WWOX: variants seen among roughly 807,000 people sequenced by gnomAD.
WWOX encodes the protein WW domain containing oxidoreductase.
Under a neutral mutation model 46.2 loss-of-function variants are expected in WWOX, and 69 were observed. The observed-to-expected ratio is 1.49, with a 90% CI of 1.23 to 1.82. The LOEUF (loss-of-function observed/expected upper bound fraction) is 1.82, where lower values mean the gene tolerates loss of function less well. WWOX is among the 40% of genes most tolerant of loss of function. WWOX has a pLI of 0.00. For missense variants in WWOX, 919 were observed against 542.6 expected (o/e 1.69, Z -6.89); for synonymous variants, 359 against 202.6 (o/e 1.77, Z -6.56).
At chr16:79,090,255 C>G (rs1401053079) in intron 8 of WWOX, among the ~76,000 whole-genome samples, 1 of 149,208 alleles carries the variant, frequency 6.7e-6, no homozygotes, top group Non-Finnish European at 1.5e-5. Context: ...TCGTGGGGTG[C>G]CATCCTGACA....
intron 8 of WWOX, among the ~76,000 whole-genome samples, chr16:78,923,794 GTT>G (rs56852814): frequency 0.38 from 39,505 of 102,698 alleles, 7,239 homozygotes; most frequent in Admixed American, 0.55. Flanking sequence ...TTTTTAGTTA[GTT>G]TTTTTTTTTT....
chr16:78,488,747 G>A (rs571121704), intron 8 of WWOX, among the ~76,000 whole-genome samples: 173 of 152,282 alleles, frequency 1.1e-3, no homozygotes, highest in Non-Finnish European at 2.9e-4. Context: ...TGACGCTGGG[G>A]CATCTGACTT....
chr16:78,796,965 A>G (rs55853618), intron 8 of WWOX, among the ~76,000 whole-genome samples: 1 of 151,868 alleles, frequency 6.6e-6, no homozygotes, highest in Admixed American at 6.6e-5. Flanking sequence ...AGCTGGGATT[A>G]TAGGCATGAG....
At chr16:78,232,305 C>T (rs1250339703) in intron 5 of WWOX, among the ~76,000 whole-genome samples, 3 of 152,158 alleles carry the variant, frequency 2.0e-5, no homozygotes, top group Non-Finnish European at 4.4e-5. Context: ...GGATGGAAGT[C>T]TAAAGAGAGT....
At chr16:78,811,095 C>G (rs904137578) in intron 8 of WWOX, among the ~76,000 whole-genome samples, 2 of 152,140 alleles carry the variant, frequency 1.3e-5, no homozygotes, top group African/African-American at 4.8e-5. Context: ...CTCTTCTCGT[C>G]TGGATTTTAG....
chr16:79,160,799 A>T (rs2050470995), intron 8 of WWOX, among the ~76,000 whole-genome samples: 1 of 152,206 alleles, frequency 6.6e-6, no homozygotes. Flanking sequence ...GTGTGTACAT[A>T]TATGTATATG....
At position 78,254,169 on chromosome 16, in the gene WWOX, C is replaced by T. The variant is rs997272459; in HGVS notation, c.516+89880C>T. Among the ~76,000 whole-genome samples, 26 of 152,160 alleles carry T rather than the reference C, an allele frequency of 1.7e-4. No individual in the cohort carries two copies. The East Asian group carries it at 5.0e-3, about 29-fold the overall frequency. ...CACTGCAGTCTTAACCTCCCAGGCT[C>T]AAGCGATCCTCCTGCCTGGTAGGTG... is the stretch of plus-strand genomic sequence containing the variant. On this transcript the variant is annotated intron_variant, in intron 5 of 8. Coordinates refer to ENST00000566780, the MANE Select transcript of WWOX (RefSeq NM_016373.4).
chr16:78,108,708 C>G (rs995901225), intron 2 of WWOX, among the ~76,000 whole-genome samples: 12 of 152,164 alleles, frequency 7.9e-5, no homozygotes, highest in Non-Finnish European at 1.6e-4. Context: ...ACCAAAATGG[C>G]CAGATGTGGT....
chr16:78,530,788 G>A (rs1210432324), intron 8 of WWOX, among the ~76,000 whole-genome samples: 3 of 152,280 alleles, frequency 2.0e-5, no homozygotes, highest in South Asian at 2.1e-4. Flanking sequence ...ATTTAATATG[G>A]TGAGATTGGC....
intron 8 of WWOX, among the ~76,000 whole-genome samples, chr16:78,591,057 GT>G (rs2151602373): frequency 6.6e-6 from 1 of 152,330 alleles, no homozygotes; most frequent in East Asian, 1.9e-4. Flanking sequence ...CTAGTCTGAA[GT>G]ACAGAAGTCA....
intron 8 of WWOX, among the ~76,000 whole-genome samples, chr16:78,702,079 T>G (rs1441245344): frequency 1.7e-5 from 2 of 116,146 alleles, no homozygotes; most frequent in Non-Finnish European, 3.4e-5. Flanking sequence ...TATATAAAGT[T>G]TTATATTTAT....
intron 8 of WWOX, among the ~76,000 whole-genome samples, chr16:78,999,700 T>A (rs978540736): frequency 1.3e-5 from 2 of 152,180 alleles, no homozygotes; most frequent in South Asian, 4.1e-4. Context: ...TACTTAAGTC[T>A]AAGAGAGTTC....
chr16:78,640,203 G>T (rs906088968), intron 8 of WWOX, among the ~76,000 whole-genome samples: 1 of 139,286 alleles, frequency 7.2e-6, no homozygotes, highest in Admixed American at 7.4e-5. Flanking sequence ...GTGTGTGTGT[G>T]TGTGTTTTCT....
At chr16:78,977,812 C>T (rs928065544) in intron 8 of WWOX, among the ~76,000 whole-genome samples, 1 of 152,124 alleles carries the variant, frequency 6.6e-6, no homozygotes, top group Non-Finnish European at 1.5e-5. Context: ...ACCAAGCTCC[C>T]ATCTGGGAAG....
chr16:78,780,792 G>C (rs2050306347), intron 8 of WWOX, among the ~76,000 whole-genome samples: 1 of 152,180 alleles, frequency 6.6e-6, no homozygotes, highest in Non-Finnish European at 1.5e-5. Flanking sequence ...GCATAGGATG[G>C]GATAGGGGAT....
intron 8 of WWOX, among the ~76,000 whole-genome samples, chr16:79,148,289 C>G (rs1356883128): frequency 2.0e-5 from 3 of 152,060 alleles, no homozygotes; most frequent in African/African-American, 7.2e-5. Flanking sequence ...TAAATTTTGC[C>G]TAGGAACATC....
chr16:78,148,778 G>T (rs1462581016), intron 4 of WWOX, among the ~76,000 whole-genome samples: 1 of 151,546 alleles, frequency 6.6e-6, no homozygotes, highest in Admixed American at 6.6e-5. Context: ...GGCGCCTGTA[G>T]TCCCAGCTAC....
At chr16:79,091,478 C>T (rs1359299179) in intron 8 of WWOX, among the ~76,000 whole-genome samples, 1 of 152,092 alleles carries the variant, frequency 6.6e-6, no homozygotes, top group Non-Finnish European at 1.5e-5. Context: ...ATGTGGACTT[C>T]AGGAATCTGG....
chr16:78,397,439 C>CCATT (rs2082313024), intron 6 of WWOX, among the ~76,000 whole-genome samples: 1 of 152,104 alleles, frequency 6.6e-6, no homozygotes, highest in Admixed American at 6.5e-5. Flanking sequence ...CAGCCTGGTG[C>CCATT]AATGATTAAC....
Sources: gnomAD v4.1 joint callset for allele counts (sites outside exome capture counted in the v4.1 genomes callset) on GRCh38, gnomAD v4.1.1 for gene constraint, MANE v1.5 for transcripts, NCBI Gene and HGNC (gene_info 2026-07-23, HGNC 2026-07-21) for gene names.